The following BMPR2 variants were observed in gnomAD, a reference collection of about 807,000 sequenced individuals.
BMPR2 encodes the protein bone morphogenetic protein receptor type 2.
BMPR2 carries 29 observed loss-of-function variants against 100.8 expected under a neutral mutation model. The observed-to-expected ratio is 0.29, with a 90% CI of 0.21 to 0.39. The LOEUF (loss-of-function observed/expected upper bound fraction) is 0.39. Ranked by LOEUF, BMPR2 falls within the 10% of genes least tolerant of loss-of-function variation. The probability of loss-of-function intolerance (pLI) is 1.00; values close to 1 mark genes in which losing one functional copy is unlikely to be tolerated. For synonymous variants in BMPR2, 382 were observed against 442.3 expected (o/e 0.86, Z 1.71); for missense variants, 1,011 against 1,274.5 (o/e 0.79, Z 3.15).
chr2:202,496,749 C>G (rs1693038370), intron 3 of BMPR2, among the ~76,000 whole-genome samples: 1 of 152,236 alleles, frequency 6.6e-6, no homozygotes, highest in South Asian at 2.1e-4. Flanking sequence ...AGCGTGCTGG[C>G]AGTCCTTACC....
At chr2:202,386,978 C>T (rs1238797892) in intron 1 of BMPR2, among the ~76,000 whole-genome samples, 1 of 152,114 alleles carries the variant, frequency 6.6e-6, no homozygotes, top group East Asian at 1.9e-4. Flanking sequence ...CCACTGCGCC[C>T]GGGCAGACCC....
chr2:202,486,296 C>T (rs146226613), intron 3 of BMPR2, among the ~76,000 whole-genome samples: 5 of 152,296 alleles, frequency 3.3e-5, no homozygotes, highest in East Asian at 3.9e-4. Context: ...TACCTATCAA[C>T]ATGAGTTCTG....
intron 12 of BMPR2, 26 bp from the exon 13 acceptor site, chr2:202,559,670 T>G (rs1426503918): frequency 4.3e-6 from 7 of 1,612,560 alleles, no homozygotes; most frequent in Non-Finnish European, 5.9e-6. Flanking sequence ...GTTAAATAGC[T>G]CATTTTTCTG....
chr2:202,520,783 T>A (rs893090103), intron 7 of BMPR2: 1 of 155,616 alleles, frequency 6.4e-6, no homozygotes, highest in South Asian at 2.0e-4. Flanking sequence ...GAAGAAAGTT[T>A]GCCTACCTGG....
chr2:202,519,484 A>T (rs1336919677), intron 6 of BMPR2, among the ~76,000 whole-genome samples: 1 of 152,254 alleles, frequency 6.6e-6, no homozygotes, highest in Non-Finnish European at 1.5e-5. Context: ...GTCTGCAATG[A>T]AATAAGGATC....
intron 3 of BMPR2, 100 bp from the exon 4 acceptor site, chr2:202,513,619 G>T (rs1287492071): frequency 8.2e-5 from 60 of 729,190 alleles, no homozygotes; most frequent in Middle Eastern, 4.0e-4. Flanking sequence ...TTACTAATTT[G>T]ATTATACATG....
At chr2:202,397,006 A>G (rs1690669659) in intron 1 of BMPR2, among the ~76,000 whole-genome samples, 1 of 152,072 alleles carries the variant, frequency 6.6e-6, no homozygotes, top group Admixed American at 6.6e-5. Context: ...CATGTTAGTC[A>G]TGCTGGTCTC....
At position 202,464,818 on chromosome 2, in the gene BMPR2, A is replaced by G. The variant is rs112862820; in HGVS notation, c.86A>G (p.Asn29Ser). The G allele has an allele frequency of 4.1e-4, 668 of 1,612,138 alleles. 2 individuals carry two copies. The African/African-American group carries it at 7.7e-3, about 19-fold the overall frequency. ...ATTTCCTTTATTTTAGCTTCGCAGAATCAAGAACGGCTATGTGCGTTTAAA... is the reference window on the plus strand; with the variant it reads ...ATTTCCTTTATTTTAGCTTCGCAGAGTCAAGAACGGCTATGTGCGTTTAAA... ...LLVSTAAASQ[N>S]QERLCAFKDP... Residue 29 changes from asparagine to serine, a missense_variant, in exon 2 of 13, where the codon AAT (asparagine) becomes AGT (serine). Physicochemically the swap from Asn to Ser is conservative, Grantham distance 46. Transcript: ENST00000374580.
In BMPR2 at chr2:202,487,618, A is replaced by C. The variant is rs191700898; in HGVS notation, c.418+19929A>C. On this transcript the variant is annotated intron_variant, in intron 3 of 12. Transcript: ENST00000374580. ...GAAGGGTTTACTTTGCCTGTATTGC[A>C]CCACAATCAAGTTATACTTTTTGTA... 1.8e-4 allele frequency among the ~76,000 whole-genome samples: 27 copies of C among 152,332 alleles called. No homozygotes were observed. The East Asian group carries it at 3.9e-3, about 22-fold the overall frequency.
intron 1 of BMPR2, among the ~76,000 whole-genome samples, chr2:202,439,116 G>A (rs1372243607): frequency 1.3e-5 from 2 of 150,072 alleles, no homozygotes; most frequent in Admixed American, 1.3e-4. Flanking sequence ...CTCTTCATTT[G>A]TTTAGATAAG....
At chr2:202,534,511 A>G (rs1688090300) in intron 9 of BMPR2, among the ~76,000 whole-genome samples, 1 of 152,114 alleles carries the variant, frequency 6.6e-6, no homozygotes, top group African/African-American at 2.4e-5. Context: ...CACATCTTGC[A>G]CCGCCCTTAA....
At chr2:202,517,518 ATT>A (rs1294391525) in intron 5 of BMPR2, among the ~76,000 whole-genome samples, 1 of 150,606 alleles carries the variant, frequency 6.6e-6, no homozygotes, top group Non-Finnish European at 1.5e-5. Flanking sequence ...CGCCCAGCTA[ATT>A]TTTGTATTTC....
chr2:202,468,104 C>T (rs1692362855), intron 3 of BMPR2, among the ~76,000 whole-genome samples: 1 of 152,034 alleles, frequency 6.6e-6, no homozygotes, highest in Admixed American at 6.6e-5. Context: ...CATAAGATTA[C>T]ATCTGGCAAA....
chr2:202,517,976 C>CTTTTTTTTT (rs67110605), intron 5 of BMPR2, among the ~76,000 whole-genome samples: 2 of 88,462 alleles, frequency 2.3e-5, no homozygotes, highest in Non-Finnish European at 4.3e-5. Flanking sequence ...CCACGCCTGA[C>CTTTTTTTTT]TTTTTTTTTT....
intron 5 of BMPR2, 124 bp from the exon 6 acceptor site, chr2:202,518,698 T>TA: frequency 1.2e-6 from 1 of 850,052 alleles, no homozygotes; most frequent in South Asian, 1.5e-5. Flanking sequence ...AATTTCTTGA[T>TA]AATGGAATAA....
chr2:202,415,096 A>G (rs1432057452), intron 1 of BMPR2, among the ~76,000 whole-genome samples: 3 of 152,282 alleles, frequency 2.0e-5, no homozygotes, highest in South Asian at 2.1e-4. Flanking sequence ...TAAAGTTAGT[A>G]GAGGCTGAAT....
intron 1 of BMPR2, among the ~76,000 whole-genome samples, chr2:202,435,758 CTG>C (rs1359463727): frequency 6.7e-6 from 1 of 150,254 alleles, no homozygotes. Flanking sequence ...TCTACTTTTT[CTG>C]TGTTTAGATA....
rs967441358 is a variant in BMPR2 at position 202,532,909 on chromosome 2, A to AT, written c.1276+188dup. Among the ~76,000 whole-genome samples, 33 of 148,474 alleles carry AT rather than the reference A, an allele frequency of 2.2e-4. No homozygotes were observed. The highest frequency in any genetic ancestry group is 1.9e-3 in the South Asian group (9 of 4,712). On this transcript the variant is annotated intron_variant, in intron 9 of 12. Transcript: ENST00000374580. The surrounding 1 kb of genome is among the most constrained non-coding windows in gnomAD (Gnocchi z 4.1). The stretch of plus-strand genomic sequence containing the variant: ...ATTAGCAGCAGGATGCAAATTAGGA[A>AT]TTTTTTTTTTTAGAGTACTCCAGGT...
intron 1 of BMPR2, among the ~76,000 whole-genome samples, chr2:202,461,212 G>C (rs1449659003): frequency 6.6e-6 from 1 of 152,188 alleles, no homozygotes; most frequent in Admixed American, 6.5e-5. Flanking sequence ...AACAGGCCAA[G>C]TGCAGTGGCT....
Sources: allele counts gnomAD v4.1 joint callset (sites outside exome capture counted in the v4.1 genomes callset), GRCh38; gene constraint gnomAD v4.1.1; non-coding constraint Gnocchi (gnomAD v3.1); transcripts MANE v1.5; gene names NCBI Gene and HGNC (gene_info 2026-07-23, HGNC 2026-07-21).